The following TUSC3 variants were observed in gnomAD, a reference collection of about 807,000 sequenced individuals.
TUSC3 encodes the protein tumor suppressor candidate 3, also known as dolichyl-diphosphooligosaccharide--protein glycosyltransferase subunit TUSC3.
A neutral mutation model predicts 44.8 loss-of-function variants in TUSC3; 45 were observed. The observed-to-expected ratio is 1.00, with a 90% CI of 0.79 to 1.29. The LOEUF is 1.29. Among genes scored for constraint, TUSC3 ranks in the 50% most tolerant of loss-of-function variants. TUSC3 has a pLI of 0.00. For synonymous variants in TUSC3, 212 were observed against 152.9 expected, an observed-to-expected ratio of 1.39 and a Z score of -2.85; for missense variants, 519 against 437.9, an observed-to-expected ratio of 1.19 and a Z score of -1.65.
intron 1 of TUSC3, among the ~76,000 whole-genome samples, chr8:15,593,850 C>G (rs1803956197): frequency 6.6e-6 from 1 of 152,120 alleles, no homozygotes; most frequent in Non-Finnish European, 1.5e-5. Context: ...ATTTTAACTG[C>G]TGCCATCTCC....
chr8:15,814,925 G>C, the TUSC3 span, among the ~76,000 whole-genome samples: 1 of 152,064 alleles, frequency 6.6e-6, no homozygotes, highest in Admixed American at 6.6e-5. Flanking sequence ...TGCTGAGTAC[G>C]GGAGAAATAT....
At chr8:15,716,751 C>T (rs939316500) in intron 6 of TUSC3, among the ~76,000 whole-genome samples, 13 of 151,910 alleles carry the variant, frequency 8.6e-5, no homozygotes, top group African/African-American at 2.9e-4. Flanking sequence ...AGTGTAAATA[C>T]GAAATGAGTA....
At chr8:15,501,350 C>G (rs1328301491) in intron 2 of TUSC3, among the ~76,000 whole-genome samples, 1 of 152,148 alleles carries the variant, frequency 6.6e-6, no homozygotes, top group Non-Finnish European at 1.5e-5. Context: ...GATCAATTGT[C>G]CTGTCTTTGA....
Position 15,668,098 on chromosome 8 carries a change from C to A in TUSC3, c.709-5649C>A, listed in dbSNP as rs535996527. Reference sequence around the variant, plus strand: ...GCTGAAAGTAAGTGTTCTCCCACTGCAGTGAGGTGGAAGGATTGGTATCTG... The same window carrying A: ...GCTGAAAGTAAGTGTTCTCCCACTGAAGTGAGGTGGAAGGATTGGTATCTG... On this transcript the variant is annotated intron_variant, in intron 5 of 10. Coordinates refer to ENST00000503731, the MANE Select transcript of TUSC3 (RefSeq NM_006765.4). Among the ~76,000 whole-genome samples, 5 of 151,832 alleles carry A rather than the reference C, an allele frequency of 3.3e-5. No homozygotes were observed. The South Asian group carries it at 8.3e-4, about 25-fold the overall frequency.
In TUSC3 at chr8:15,667,882, G is replaced by C. The variant is rs17612352; in HGVS notation, c.708+5586G>C. ...TAGTTACAGTGGGCGTGAACATCTT[G>C]ACCCTTTGGAAAACTATAGGATCTG... On this transcript the variant is annotated intron_variant, in intron 5 of 10. Transcript: ENST00000503731. 4.9e-3 allele frequency among the ~76,000 whole-genome samples: 741 copies of C among 151,818 alleles called. 19 individuals are homozygous for C. The East Asian group carries it at 0.072, about 15-fold the overall frequency.
intron 8 of TUSC3, among the ~76,000 whole-genome samples, chr8:15,746,282 C>T (rs942492428): frequency 1.3e-5 from 2 of 151,994 alleles, no homozygotes; most frequent in Admixed American, 6.6e-5. Context: ...ATGTTTGTTT[C>T]TCTAACTCCA....
chr8:15,769,213 T>G (rs572984550), downstream of TUSC3, among the ~76,000 whole-genome samples: 5 of 152,302 alleles, frequency 3.3e-5, no homozygotes, highest in South Asian at 1.0e-3. Flanking sequence ...AGCATGGTAC[T>G]GGTATGAAAA....
chr8:15,605,218 C>T (rs1377866422), intron 1 of TUSC3, among the ~76,000 whole-genome samples: 2 of 151,834 alleles, frequency 1.3e-5, no homozygotes, highest in African/African-American at 4.8e-5. Context: ...AGCAAAGAAG[C>T]ACAGAGTAAC....
At chr8:15,848,230 C>T in the TUSC3 span, among the ~76,000 whole-genome samples, 2 of 152,174 alleles carry the variant, frequency 1.3e-5, no homozygotes, top group Admixed American at 1.3e-4. Context: ...TCATCCTTCC[C>T]TGTGTAGGAC....
At chr8:15,844,147 C>A in the TUSC3 span, among the ~76,000 whole-genome samples, 2 of 151,970 alleles carry the variant, frequency 1.3e-5, no homozygotes, top group Admixed American at 1.3e-4. Context: ...CCATGACAAA[C>A]AATTTTAATG....
At chr8:15,691,300 C>G (rs1408835054) in intron 6 of TUSC3, among the ~76,000 whole-genome samples, 4 of 152,024 alleles carry the variant, frequency 2.6e-5, no homozygotes, top group Admixed American at 2.0e-4. Context: ...CTTAATTTGG[C>G]TTTCACCTTG....
At position 15,765,638 on chromosome 8, in the gene TUSC3, A is replaced by T. The variant is rs1401755316; in HGVS notation, c.*1482A>T. ...TAATATTCAGTGAAAATTACGTAAT[A>T]ATTGTAAGTTTATAATCATACTCCC... On this transcript the variant is annotated 3_prime_UTR_variant, in exon 11 of 11. Coordinates refer to ENST00000503731, the MANE Select transcript of TUSC3 (RefSeq NM_006765.4). The T allele has an allele frequency of 1.3e-5, 2 of 152,096 alleles. No individual in the cohort carries two copies. Among genetic ancestry groups the T allele is most frequent in the African/African-American group, 4.8e-5 (2 of 41,448 alleles). The allele number at this position is 152,096 out of a possible 1,614,324, so 9.4% of individuals were successfully genotyped here.
chr8:15,714,540 A>G lies in TUSC3; in HGVS notation c.799-16126A>G, dbSNP rs940081754. The stretch of plus-strand genomic sequence containing the variant: ...GAGAAACTTTAGAGGTGATACCAAC[A>G]TGGTTCTGAAATACTTGTACTAATG... On this transcript the variant is annotated intron_variant, in intron 6 of 10. Coordinates refer to ENST00000503731, the MANE Select transcript of TUSC3 (RefSeq NM_006765.4). Among the ~76,000 whole-genome samples, 3 of 152,316 alleles carry G rather than the reference A, an allele frequency of 2.0e-5. No homozygotes were observed. In the East Asian group the frequency reaches 5.8e-4, roughly 29 times the overall value.
intron 6 of TUSC3, among the ~76,000 whole-genome samples, chr8:15,712,567 G>A (rs560865841): frequency 6.3e-4 from 96 of 151,760 alleles, no homozygotes; most frequent in African/African-American, 2.2e-3. Context: ...AAGGATTTAC[G>A]TGGTCTCCAA....
chr8:15,611,732 T>G (rs761231330), intron 1 of TUSC3, among the ~76,000 whole-genome samples: 3 of 152,192 alleles, frequency 2.0e-5, no homozygotes, highest in Non-Finnish European at 4.4e-5. Context: ...TTTACTGAAC[T>G]ATCAGTTTGT....
At chr8:15,826,979 G>A in the TUSC3 span, among the ~76,000 whole-genome samples, 219 of 152,252 alleles carry the variant, frequency 1.4e-3, no homozygotes, top group Non-Finnish European at 2.2e-3. Flanking sequence ...TTGCTGCAGA[G>A]GTTGCAGGTC....
chr8:15,513,181 T>C (rs1801165932), intron 2 of TUSC3, among the ~76,000 whole-genome samples: 1 of 151,514 alleles, frequency 6.6e-6, no homozygotes, highest in African/African-American at 2.4e-5. Flanking sequence ...ATGATAAATA[T>C]CTCTAAAACA....
At chr8:15,672,817 A>G (rs143204231) in intron 5 of TUSC3, among the ~76,000 whole-genome samples, 1 of 152,112 alleles carries the variant, frequency 6.6e-6, no homozygotes, top group African/African-American at 2.4e-5. Flanking sequence ...AAACTAGAAT[A>G]TTTAGACTCC....
chr8:15,762,266 G>A lies in TUSC3; in HGVS notation c.*47-1937G>A, dbSNP rs17612721. On this transcript the variant is annotated intron_variant, in intron 10 of 10. Transcript: ENST00000503731. ...TTTGAAAATGATAGAAGCATAGGAAGTACTCTAATTGTCCTACAATAAAGG... is the reference window on the plus strand; with the variant it reads ...TTTGAAAATGATAGAAGCATAGGAAATACTCTAATTGTCCTACAATAAAGG... Among the ~76,000 whole-genome samples, 1,441 of 151,894 alleles carry A rather than the reference G, an allele frequency of 9.5e-3. 61 individuals are homozygous for A. In the East Asian group the frequency reaches 0.14, roughly 14 times the overall value.
Sources: gnomAD v4.1 joint callset for allele counts (sites outside exome capture counted in the v4.1 genomes callset) on GRCh38, gnomAD v4.1.1 for gene constraint, MANE v1.5 for transcripts, NCBI Gene and HGNC (gene_info 2026-07-23, HGNC 2026-07-21) for gene names.